SLC12A6: variants seen among roughly 807,000 people sequenced by gnomAD.
SLC12A6 encodes the protein K-Cl cotransporter 3.
A neutral mutation model predicts 135.3 loss-of-function variants in SLC12A6; 66 were observed. That is an observed-to-expected ratio of 0.49 (90% CI 0.40 to 0.60). SLC12A6 has a LOEUF of 0.60. Among genes scored for constraint, SLC12A6 ranks in the 20% least tolerant of loss-of-function variants. SLC12A6 has a pLI of 0.00. For synonymous variants in SLC12A6, 513 were observed against 508.8 expected, an observed-to-expected ratio of 1.01 and a Z score of -0.11; for missense variants, 1,058 against 1,452.3, an observed-to-expected ratio of 0.73 and a Z score of 4.41.
intron 3 of SLC12A6, among the ~76,000 whole-genome samples, chr15:34,271,633 A>G (rs979309165): frequency 1.3e-5 from 2 of 151,956 alleles, no homozygotes; most frequent in African/African-American, 4.8e-5. Flanking sequence ...ACACACAGAA[A>G]AGTTCATAAA....
At chr15:34,310,708 AGTGT>A (rs371907295) in intron 2 of SLC12A6, among the ~76,000 whole-genome samples, 28 of 15,034 alleles carry the variant, frequency 1.9e-3, no homozygotes, top group East Asian at 3.0e-3. Context: ...TGGGCTCAAG[AGTGT>A]GTGTGTGTGT....
At chr15:34,283,007 A>G (rs1894788681) in intron 2 of SLC12A6, among the ~76,000 whole-genome samples, 1 of 152,214 alleles carries the variant, frequency 6.6e-6, no homozygotes, top group Admixed American at 6.5e-5. Flanking sequence ...TAAATAAGAA[A>G]AAGTTCCTTT....
rs1285372491 is a variant in SLC12A6, at chr15:34,232,515, A to ACTGAGCCT, written c.*1365_*1366insAGGCTCAG. 6.6e-6 allele frequency: 1 copy of ACTGAGCCT among 152,282 alleles called. No individual in the cohort carries two copies. The highest frequency in any genetic ancestry group is 1.5e-5 in the Non-Finnish European group (1 of 68,072). 9.4% of individuals were successfully genotyped at this position (152,282 alleles called of 1,614,324 possible). On this transcript the variant is annotated 3_prime_UTR_variant, in exon 26 of 26. Transcript: ENST00000354181. ...AGTGCTGGGATTACAGGTGTGAGCC[A>ACTGAGCCT]CGGCACCCGGCCTGAAGTTTCTGAA...
chr15:34,318,200 G>A (rs1387144555), intron 2 of SLC12A6, among the ~76,000 whole-genome samples: 1 of 152,100 alleles, frequency 6.6e-6, no homozygotes, highest in Non-Finnish European at 1.5e-5. Context: ...TCATCCACTC[G>A]GTGGGTTTAA....
chr15:34,336,345 T>C (rs895198513), intron 2 of SLC12A6, 65 bp downstream of exon 2: 9 of 1,246,812 alleles, frequency 7.2e-6, no homozygotes, highest in Admixed American at 5.1e-5. Context: ...TCCAGATCCA[T>C]AGATGGTCAT....
chr15:34,280,129 T>C (rs1328024884), intron 2 of SLC12A6, among the ~76,000 whole-genome samples: 1 of 152,248 alleles, frequency 6.6e-6, no homozygotes, highest in Non-Finnish European at 1.5e-5. Context: ...TCTTTGAGAC[T>C]ATTTTGAACA....
intron 2 of SLC12A6, among the ~76,000 whole-genome samples, chr15:34,295,512 T>C (rs1206048486): frequency 1.3e-5 from 2 of 152,220 alleles, no homozygotes; most frequent in African/African-American, 2.4e-5. Flanking sequence ...TAGCTGGGCA[T>C]ATTTCTTGGA....
Position 34,232,707 on chromosome 15 carries a change from T to G in SLC12A6, c.*1174A>C, listed in dbSNP as rs1891020003. 6.6e-6 allele frequency: 1 copy of G among 152,598 alleles called. No homozygotes were observed. The highest frequency in any genetic ancestry group is 1.5e-5 in the Non-Finnish European group (1 of 68,038). 9.5% of individuals were successfully genotyped at this position (152,598 alleles called of 1,614,324 possible). On this transcript the variant is annotated 3_prime_UTR_variant, in exon 26 of 26. Transcript: ENST00000354181. ...GGCTTTGTAGATGAGGCAAAAGATT[T>G]CTTAGTGGTAAAATTTCTTCAACAG...
intron 2 of SLC12A6, among the ~76,000 whole-genome samples, chr15:34,334,023 T>C (rs904392315): frequency 4.4e-4 from 67 of 151,214 alleles, no homozygotes; most frequent in African/African-American, 1.5e-3. Context: ...TGAGTGGAGA[T>C]TGCGCCCTTG....
chr15:34,298,903 C>T (rs541422198), intron 2 of SLC12A6, among the ~76,000 whole-genome samples: 1 of 152,256 alleles, frequency 6.6e-6, no homozygotes, highest in Admixed American at 6.5e-5. Context: ...TCAAACAATC[C>T]TACATTTTCC....
intron 2 of SLC12A6, among the ~76,000 whole-genome samples, chr15:34,305,386 T>A (rs1294393536): frequency 2.3e-5 from 3 of 131,882 alleles, no homozygotes; most frequent in African/African-American, 9.7e-5. Context: ...TTTTTAAAAG[T>A]TTTTTTTTTT....
chr15:34,239,717 C>CT (rs1891512411), intron 19 of SLC12A6, among the ~76,000 whole-genome samples: 4 of 151,960 alleles, frequency 2.6e-5, no homozygotes, highest in Admixed American at 6.5e-5. Flanking sequence ...TTAGTCAAAC[C>CT]AATTTGGAGA....
chr15:34,254,346 A>T lies in SLC12A6; in HGVS notation c.1118+2T>A. ...TGGCTAGGCAGAGAGACAGACACGT[A>T]CGGGAAGTGTGGAGGAGCAAAAGAA... On this transcript the variant is annotated splice_donor_variant, in intron 9 of 25. Coordinates refer to ENST00000354181, the MANE Select transcript of SLC12A6 (RefSeq NM_001365088.1). LOFTEE classifies it high-confidence loss of function. 6.2e-7 allele frequency: 1 copy of T among 1,612,956 alleles called. No individual in the cohort carries two copies. The highest frequency in any genetic ancestry group is 8.5e-7 in the Non-Finnish European group (1 of 1,179,092).
intron 2 of SLC12A6, among the ~76,000 whole-genome samples, chr15:34,295,284 G>A (rs1304227710): frequency 6.6e-6 from 1 of 152,162 alleles, no homozygotes; most frequent in Non-Finnish European, 1.5e-5. Context: ...ACACAGAACT[G>A]GGAAGCAGGT....
At chr15:34,320,148 ATT>A (rs1445179979) in intron 2 of SLC12A6, among the ~76,000 whole-genome samples, 1 of 152,224 alleles carries the variant, frequency 6.6e-6, no homozygotes, top group Admixed American at 6.5e-5. Flanking sequence ...GTTGTGCTAA[ATT>A]TAACTGAAGC....
At chr15:34,296,180 G>A (rs1174280685) in intron 2 of SLC12A6, among the ~76,000 whole-genome samples, 1 of 152,190 alleles carries the variant, frequency 6.6e-6, no homozygotes, top group South Asian at 2.1e-4. Flanking sequence ...GGATGCTGTG[G>A]GGAACAAGAG....
Position 34,231,425 on chromosome 15 carries a change from A to G in SLC12A6, c.*2456T>C, listed in dbSNP as rs2140614816. ...TGACTCACTACTGTTAAACTCAACTAAGCAATGGAGTGTTGCAGTGGGAGT... is the reference window on the plus strand; with the variant it reads ...TGACTCACTACTGTTAAACTCAACTGAGCAATGGAGTGTTGCAGTGGGAGT... On this transcript the variant is annotated 3_prime_UTR_variant, in exon 26 of 26. Coordinates refer to ENST00000354181, the MANE Select transcript of SLC12A6 (RefSeq NM_001365088.1). 1 of 152,052 alleles carries G rather than the reference A, an allele frequency of 6.6e-6. No homozygotes were observed. Among genetic ancestry groups the G allele is most frequent in the East Asian group, 1.9e-4 (1 of 5,182 alleles). The allele number at this position is 152,052 out of a possible 1,614,324, so 9.4% of individuals were successfully genotyped here.
chr15:34,309,221 C>T (rs1225657210), intron 2 of SLC12A6, among the ~76,000 whole-genome samples: 2 of 152,068 alleles, frequency 1.3e-5, no homozygotes, highest in African/African-American at 4.8e-5. Flanking sequence ...AAGAAATTCT[C>T]GATTCTTTAA....
At chr15:34,245,261 C>A (rs774944004) in intron 15 of SLC12A6, 24 bp downstream of exon 15, 1 of 1,178,624 alleles carries the variant, frequency 8.5e-7, no homozygotes, top group Non-Finnish European at 1.3e-6. Flanking sequence ...GCAAGAATAA[C>A]TGAAGAGAAT....
Sources: allele counts gnomAD v4.1 joint callset (sites outside exome capture counted in the v4.1 genomes callset), GRCh38; gene constraint gnomAD v4.1.1; transcripts MANE v1.5; gene names NCBI Gene and HGNC (gene_info 2026-07-23, HGNC 2026-07-21).